Variants in ZMAT4 observed in about 807,000 individuals in gnomAD.
ZMAT4 encodes zinc finger matrin-type 4, also known as zinc finger matrin-type protein 4.
ZMAT4 carries 17 observed loss-of-function variants against 28.7 expected under a neutral mutation model. That is an observed-to-expected ratio of 0.59 (90% CI 0.41 to 0.89). The LOEUF (loss-of-function observed/expected upper bound fraction) is 0.89, where lower values mean the gene tolerates loss of function less well. Among genes scored for constraint, ZMAT4 ranks in the 40% least tolerant of loss-of-function variants. ZMAT4 has a pLI of 0.00. For synonymous variants in ZMAT4, 117 were observed against 109.2 expected (o/e 1.07, Z -0.44); for missense variants, 240 against 283.8 (o/e 0.85, Z 1.11).
chr8:40,639,809 G>A (rs1303140304), intron 5 of ZMAT4, among the ~76,000 whole-genome samples: 1 of 133,966 alleles, frequency 7.5e-6, no homozygotes, highest in African/African-American at 2.7e-5. Flanking sequence ...CACATTCTTT[G>A]TATATATTCT....
At chr8:40,853,197 A>G (rs1215980563) in intron 1 of ZMAT4, among the ~76,000 whole-genome samples, 1 of 152,186 alleles carries the variant, frequency 6.6e-6, no homozygotes, top group Non-Finnish European at 1.5e-5. Context: ...TCCTTTATGT[A>G]TGCTTCTCAT....
intron 1 of ZMAT4, among the ~76,000 whole-genome samples, chr8:40,865,933 C>T (rs533233189): frequency 2.6e-5 from 4 of 152,334 alleles, no homozygotes; most frequent in African/African-American, 9.6e-5. Flanking sequence ...AAGAGAGCTA[C>T]GATGCAAGCG....
At chr8:40,664,095 A>G (rs1434665333) in intron 5 of ZMAT4, among the ~76,000 whole-genome samples, 1 of 152,168 alleles carries the variant, frequency 6.6e-6, no homozygotes, top group Non-Finnish European at 1.5e-5. Flanking sequence ...CAGGACTTCT[A>G]TCAGCAACAC....
rs193072481 is a variant in ZMAT4 at position 40,611,485 on chromosome 8, C to T, written c.578-30224G>A. On this transcript the variant is annotated intron_variant, in intron 5 of 6. Transcript: ENST00000297737. ...CCTCCCCAGCAGCTGGGAATATAGGCGCACGCCACCACGCCAGGCTAATTT... is the reference window on the plus strand; with the variant it reads ...CCTCCCCAGCAGCTGGGAATATAGGTGCACGCCACCACGCCAGGCTAATTT... 3.6e-3 allele frequency among the ~76,000 whole-genome samples: 549 copies of T among 152,190 alleles called. 3 individuals carry two copies. The highest frequency in any genetic ancestry group is 0.013 in the African/African-American group (521 of 41,538).
chr8:40,702,101 T>C (rs978284952), intron 3 of ZMAT4, among the ~76,000 whole-genome samples: 5 of 152,168 alleles, frequency 3.3e-5, no homozygotes, highest in African/African-American at 1.2e-4. Flanking sequence ...CTCCACCATG[T>C]TATGACACAG....
intron 2 of ZMAT4, among the ~76,000 whole-genome samples, chr8:40,818,615 C>T (rs1054154714): frequency 1.3e-5 from 2 of 152,212 alleles, no homozygotes; most frequent in Admixed American, 1.3e-4. Context: ...GGCATCCTGC[C>T]ATAAAGACTT....
At position 40,833,732 on chromosome 8, in the gene ZMAT4, A is replaced by G. The variant is rs530707508; in HGVS notation, c.-4-8052T>C. On this transcript the variant is annotated intron_variant, in intron 1 of 6. Coordinates refer to ENST00000297737, the MANE Select transcript of ZMAT4 (RefSeq NM_024645.3). ...GGGTCGACAGGCAGGAGAATCCCCCATGCAGCATCTGAGAGCAGGGTGAAG... is the reference window on the plus strand; with the variant it reads ...GGGTCGACAGGCAGGAGAATCCCCCGTGCAGCATCTGAGAGCAGGGTGAAG... Among the ~76,000 whole-genome samples the G allele has an allele frequency of 3.3e-5, 5 of 152,204 alleles. No individual in the cohort carries two copies. The East Asian group carries it at 7.7e-4, about 24-fold the overall frequency.
intron 5 of ZMAT4, among the ~76,000 whole-genome samples, chr8:40,642,101 A>G (rs1007995383): frequency 7.9e-5 from 12 of 152,194 alleles, no homozygotes; most frequent in African/African-American, 2.9e-4. Context: ...AGGATGCTCA[A>G]TTAAATTTGA....
chr8:40,679,323 T>A (rs1490751214), intron 4 of ZMAT4, among the ~76,000 whole-genome samples: 2 of 152,178 alleles, frequency 1.3e-5, no homozygotes, highest in East Asian at 3.9e-4. Flanking sequence ...AGGATAAAAA[T>A]ATTTCTGCAG....
intron 5 of ZMAT4, among the ~76,000 whole-genome samples, chr8:40,601,604 AAG>A (rs1563360556): frequency 2.5e-4 from 2 of 8,062 alleles, no homozygotes; most frequent in Non-Finnish European, 6.5e-4. Flanking sequence ...GAAAGAAAGA[AAG>A]AAAGAAAGAA....
intron 1 of ZMAT4, among the ~76,000 whole-genome samples, chr8:40,881,537 A>AC (rs34414792): frequency 0.49 from 25,224 of 51,496 alleles, 4,318 homozygotes; most frequent in African/African-American, 0.51. Context: ...ACAGAAAGAA[A>AC]GAAAGAAAGA....
chr8:40,653,687 A>G (rs1807787408), intron 5 of ZMAT4, among the ~76,000 whole-genome samples: 1 of 152,182 alleles, frequency 6.6e-6, no homozygotes, highest in African/African-American at 2.4e-5. Flanking sequence ...AAATTCATAG[A>G]AGAAAGAAAC....
chr8:40,785,071 T>C (rs1814011096), intron 2 of ZMAT4, among the ~76,000 whole-genome samples: 1 of 152,238 alleles, frequency 6.6e-6, no homozygotes, highest in Admixed American at 6.5e-5. Flanking sequence ...GATCACGCAT[T>C]GCATATTGAT....
chr8:40,742,054 C>T (rs1183782693), intron 3 of ZMAT4, among the ~76,000 whole-genome samples: 2 of 149,680 alleles, frequency 1.3e-5, no homozygotes, highest in Non-Finnish European at 3.0e-5. Flanking sequence ...GCCTGGACAA[C>T]ATGGCAAAAC....
intron 3 of ZMAT4, among the ~76,000 whole-genome samples, chr8:40,741,446 CAAA>C (rs34475226): frequency 1.7e-5 from 2 of 118,396 alleles, no homozygotes; most frequent in African/African-American, 3.2e-5. Flanking sequence ...AAGTCTGTCT[CAAA>C]AAAAAAAAAA....
At chr8:40,613,872 G>A (rs1209894228) in intron 5 of ZMAT4, among the ~76,000 whole-genome samples, 1 of 152,194 alleles carries the variant, frequency 6.6e-6, no homozygotes, top group Admixed American at 6.5e-5. Flanking sequence ...GTGTGGGAGA[G>A]TTGGCTTTCC....
intron 4 of ZMAT4, among the ~76,000 whole-genome samples, chr8:40,696,214 A>G (rs1445631969): frequency 6.6e-6 from 1 of 152,204 alleles, no homozygotes; most frequent in Non-Finnish European, 1.5e-5. Flanking sequence ...GTTTAGTTAA[A>G]CTAAATAGAA....
intron 5 of ZMAT4, among the ~76,000 whole-genome samples, chr8:40,604,155 T>C (rs1260693311): frequency 1.3e-5 from 2 of 152,198 alleles, no homozygotes; most frequent in East Asian, 3.9e-4. Flanking sequence ...TACAATCCTA[T>C]CGTCAGTGAA....
intron 6 of ZMAT4, 105 bp from the exon 7 acceptor site, chr8:40,532,343 C>G: frequency 1.1e-6 from 1 of 913,220 alleles, no homozygotes. Context: ...CTCATATTAC[C>G]TTAACCATCA....
Sources: allele counts gnomAD v4.1 joint callset (sites outside exome capture counted in the v4.1 genomes callset), GRCh38; gene constraint gnomAD v4.1.1; transcripts MANE v1.5; gene names NCBI Gene and HGNC (gene_info 2026-07-23, HGNC 2026-07-21).